Variants in MARCHF10 observed in about 807,000 individuals in gnomAD.
MARCHF10 encodes the protein probable E3 ubiquitin-protein ligase MARCHF10.
Under a neutral mutation model 76.2 loss-of-function variants are expected in MARCHF10, and 64 were observed. The ratio of observed to expected loss-of-function variants is 0.84; its 90% CI spans 0.69 to 1.03. The LOEUF is 1.03. Ranked by LOEUF, MARCHF10 falls within the 50% of genes least tolerant of loss-of-function variation. MARCHF10 has a pLI of 0.00. For missense variants in MARCHF10, 875 were observed against 958.0 expected (o/e 0.91, Z 1.14); for synonymous variants, 340 against 357.5 (o/e 0.95, Z 0.55).
intron 9 of MARCHF10, among the ~76,000 whole-genome samples, chr17:62,710,528 A>T (rs2089862930): frequency 7.6e-6 from 1 of 132,062 alleles, no homozygotes; most frequent in African/African-American, 2.9e-5. Context: ...TAGGTTTCTT[A>T]TGACTAACAG....
At chr17:62,703,964 C>G (rs905066938) in intron 10 of MARCHF10, among the ~76,000 whole-genome samples, 2 of 152,130 alleles carry the variant, frequency 1.3e-5, no homozygotes, top group Admixed American at 6.5e-5. Flanking sequence ...CCCTGCCCAG[C>G]GGAAGCCACG....
At chr17:62,750,792 T>A (rs1599219949) in intron 4 of MARCHF10, among the ~76,000 whole-genome samples, 1 of 152,138 alleles carries the variant, frequency 6.6e-6, no homozygotes, top group African/African-American at 2.4e-5. Flanking sequence ...GAAGTTCTTT[T>A]CCCCGTAAGA....
intron 3 of MARCHF10, among the ~76,000 whole-genome samples, chr17:62,772,093 A>T (rs2092459326): frequency 6.6e-6 from 1 of 152,114 alleles, no homozygotes; most frequent in African/African-American, 2.4e-5. Context: ...TCCCATTCTG[A>T]TGCATAATAT....
At chr17:62,723,893 G>A (rs1285513388) in intron 7 of MARCHF10, among the ~76,000 whole-genome samples, 1 of 152,070 alleles carries the variant, frequency 6.6e-6, no homozygotes. Flanking sequence ...TTATGCTAGG[G>A]AAGTTGCATA....
intron 10 of MARCHF10, among the ~76,000 whole-genome samples, chr17:62,702,893 T>A (rs947720480): frequency 6.6e-6 from 1 of 152,006 alleles, no homozygotes; most frequent in Non-Finnish European, 1.5e-5. Flanking sequence ...TTTGGGGAGG[T>A]GCTCTGGCCC....
At chr17:62,802,218 GCT>G (rs1349066657) in intron 1 of MARCHF10, among the ~76,000 whole-genome samples, 1 of 152,196 alleles carries the variant, frequency 6.6e-6, no homozygotes, top group East Asian at 1.9e-4. Flanking sequence ...CCTCATCTTT[GCT>G]CTTTTTTTCT....
In MARCHF10 at chr17:62,701,746, C is replaced by T; in HGVS notation, c.2384G>A (p.Gly795Glu). ...RTEENENSELGDGNEGSISQS... is the reference protein window; with the variant it reads ...RTEENENSELEDGNEGSISQS... ...AGAAATGCTGCCTTCATTTCCATCT[C>T]CCAACTCCGAATCTGGAAGGCAAGA... is the stretch of plus-strand genomic sequence containing the variant. The change falls in exon 11 of 11, where the codon GGA becomes GAA. Residue 795 changes from glycine (G) to glutamate (E), a missense_variant. By Grantham distance (98) the Gly-to-Glu change is moderately conservative (BLOSUM62 -2). Transcript: ENST00000311269. 6.2e-7 allele frequency: 1 copy of T among 1,614,152 alleles called. No individual in the cohort carries two copies. Among genetic ancestry groups the T allele is most frequent in the Non-Finnish European group, 8.5e-7 (1 of 1,180,048 alleles).
intron 9 of MARCHF10, among the ~76,000 whole-genome samples, chr17:62,708,161 T>A (rs2089702254): frequency 6.6e-6 from 1 of 152,110 alleles, no homozygotes; most frequent in Non-Finnish European, 1.5e-5. Flanking sequence ...TTCCTTTACC[T>A]AGAATATTGT....
At chr17:62,765,789 C>T (rs2092315511) in intron 3 of MARCHF10, among the ~76,000 whole-genome samples, 1 of 152,136 alleles carries the variant, frequency 6.6e-6, no homozygotes, top group African/African-American at 2.4e-5. Flanking sequence ...ACATTTTTCC[C>T]GCTTCCAAAT....
intron 3 of MARCHF10, among the ~76,000 whole-genome samples, chr17:62,779,277 C>T (rs575767880): frequency 1.3e-5 from 2 of 152,194 alleles, no homozygotes; most frequent in South Asian, 2.1e-4. Flanking sequence ...GGCCTAGGGC[C>T]AGAAAGAAGA....
At chr17:62,777,815 A>G (rs1021967543) in intron 3 of MARCHF10, among the ~76,000 whole-genome samples, 10 of 151,220 alleles carry the variant, frequency 6.6e-5, no homozygotes, top group African/African-American at 2.4e-4. Context: ...GGGTAGTCCT[A>G]CTCCACAAGG....
At chr17:62,790,418 G>A (rs752540975) in intron 2 of MARCHF10, among the ~76,000 whole-genome samples, 5 of 152,018 alleles carry the variant, frequency 3.3e-5, no homozygotes, top group African/African-American at 7.2e-5. Context: ...TCAGGTGATC[G>A]GCCTGCCTCA....
At position 62,797,651 on chromosome 17, in the gene MARCHF10, AG is replaced by A. The variant is rs1598074003; in HGVS notation, c.90+3994del. Among the ~76,000 whole-genome samples the A allele has an allele frequency of 2.0e-5, 3 of 152,298 alleles. No homozygotes were observed. The East Asian group carries it at 5.8e-4, about 29-fold the overall frequency. ...AGACGTTGGCAAAGTGGTGAAGTGT[AG>A]GTTGGTTTTGCTTAGGTTTTGAGTC... On this transcript the variant is annotated intron_variant, in intron 2 of 10. Coordinates refer to ENST00000311269, the MANE Select transcript of MARCHF10 (RefSeq NM_152598.4).
At chr17:62,705,016 T>A in intron 10 of MARCHF10, 1 of 987,996 alleles carries the variant, frequency 1.0e-6, no homozygotes, top group Non-Finnish European at 1.2e-6. Flanking sequence ...CAGAGAGCCG[T>A]CTTGCCCGCT....
intron 5 of MARCHF10, 85 bp from the exon 6 acceptor site, chr17:62,737,417 T>TGG: frequency 7.8e-7 from 1 of 1,283,518 alleles, no homozygotes; most frequent in African/African-American, 1.5e-5. Flanking sequence ...AAATTGCCCT[T>TGG]TAAATGCAAC....
chr17:62,720,280 T>G (rs2090417860), intron 8 of MARCHF10, among the ~76,000 whole-genome samples: 1 of 152,204 alleles, frequency 6.6e-6, no homozygotes, highest in Non-Finnish European at 1.5e-5. Flanking sequence ...GGAACTGCTA[T>G]AAATGGGTTG....
intron 9 of MARCHF10, among the ~76,000 whole-genome samples, chr17:62,710,288 A>C (rs976287817): frequency 3.3e-5 from 5 of 152,246 alleles, no homozygotes; most frequent in African/African-American, 1.2e-4. Flanking sequence ...AGGTTACAGA[A>C]ATGTTAACAA....
intron 8 of MARCHF10, among the ~76,000 whole-genome samples, chr17:62,715,768 T>C (rs1568101381): frequency 6.6e-6 from 1 of 152,202 alleles, no homozygotes; most frequent in Non-Finnish European, 1.5e-5. Flanking sequence ...ATCTAGCCGC[T>C]TGAGGCCTGG....
intron 3 of MARCHF10, among the ~76,000 whole-genome samples, chr17:62,781,977 G>A (rs939738751): frequency 5.3e-5 from 8 of 152,138 alleles, no homozygotes; most frequent in African/African-American, 1.7e-4. Flanking sequence ...ATGCTATTTC[G>A]AGTTTTCAGG....
Sources: gnomAD v4.1 joint callset for allele counts (sites outside exome capture counted in the v4.1 genomes callset) on GRCh38, gnomAD v4.1.1 for gene constraint, MANE v1.5 for transcripts, NCBI Gene and HGNC (gene_info 2026-07-23, HGNC 2026-07-21) for gene names.